Variants in ALDH3A1 observed in about 807,000 individuals in gnomAD.
The protein encoded by ALDH3A1 is aldehyde dehydrogenase, dimeric NADP-preferring.
A neutral mutation model predicts 49.9 loss-of-function variants in ALDH3A1; 46 were observed. That is an observed-to-expected ratio of 0.92 (90% CI 0.73 to 1.18). ALDH3A1 has a LOEUF of 1.18. ALDH3A1 is among the 50% of genes most tolerant of loss of function. The pLI, the probability that ALDH3A1 is intolerant of heterozygous loss-of-function variation, is 0.00. For synonymous variants in ALDH3A1, 269 were observed against 253.3 expected, an observed-to-expected ratio of 1.06 and a Z score of -0.59; for missense variants, 592 against 611.8, an observed-to-expected ratio of 0.97 and a Z score of 0.34.
intron 3 of ALDH3A1, 81 bp from the exon 4 acceptor site, chr17:19,742,711 T>TC (rs772081401): frequency 3.7e-6 from 6 of 1,603,694 alleles, no homozygotes; most frequent in Non-Finnish European, 5.1e-6. Context: ...ACCTGAAGCC[T>TC]CCCCTCCATT....
rs2086471105 is a variant in ALDH3A1 at position 19,740,453 on chromosome 17, T to C, written c.832A>G (p.Lys278Glu). The change falls in exon 7 of 11, where the codon AAA becomes GAA. Residue 278 changes from lysine (K) to glutamate (E), a missense_variant. Coordinates refer to ENST00000225740, the MANE Select transcript of ALDH3A1 (RefSeq NM_000691.5). The part of the protein sequence containing the change: ...LKEFYGEDAK[K>E]SRDYGRIISA... ...ATGATTCTTCCATAGTCCCGGGATT[T>C]CTTAGCATCTTCCCCGTAGAACTCC... The C allele has an allele frequency of 6.2e-7, 1 of 1,613,968 alleles. No individual in the cohort carries two copies. Among genetic ancestry groups the C allele is most frequent in the Non-Finnish European group, 8.5e-7 (1 of 1,180,030 alleles).
chr17:19,746,249 A>G (rs1324278825), intron 1 of ALDH3A1, among the ~76,000 whole-genome samples: 1 of 152,098 alleles, frequency 6.6e-6, no homozygotes, highest in African/African-American at 2.4e-5. Context: ...ATTATCTGGG[A>G]GTGGTGGCAG....
At chr17:19,742,504 TA>T in intron 4 of ALDH3A1, 40 bp downstream of exon 4, 1 of 1,593,610 alleles carries the variant, frequency 6.3e-7, no homozygotes, top group Admixed American at 1.7e-5. Flanking sequence ...CTAGCTCAGT[TA>T]TGAGGCCATG....
At position 19,745,041 on chromosome 17, in the gene ALDH3A1, A is replaced by G. The variant is rs1264148006; in HGVS notation, c.89T>C (p.Leu30Pro). The change falls in exon 2 of 11, where the codon CTG becomes CCG. Residue 30 changes from leucine to proline, a missense_variant. Leu to Pro is a moderately conservative substitution (Grantham distance 98). Transcript: ENST00000225740. ...TRPLQFRIQQ[L>P]EALQRLIQEQ... ...CTGGATCAGGCGCTGCAGCGCCTCC[A>G]GCTGCTGGATCCGGAACTGCAGCGG... 6.3e-7 allele frequency: 1 copy of G among 1,597,046 alleles called. No individual in the cohort carries two copies. The highest frequency in any genetic ancestry group is 8.5e-7 in the Non-Finnish European group (1 of 1,178,876).
At chr17:19,738,529 G>T in intron 9 of ALDH3A1, 76 bp from the exon 10 acceptor site, 5 of 1,568,422 alleles carry the variant, frequency 3.2e-6, no homozygotes, top group Non-Finnish European at 1.7e-6. Flanking sequence ...CACCTTGTTG[G>T]GTGTATCCCA....
chr17:19,741,169 C>A lies in ALDH3A1; in HGVS notation c.731G>T (p.Cys244Phe). 1 of 1,614,090 alleles carries A rather than the reference C, an allele frequency of 6.2e-7. No individual in the cohort carries two copies. Among genetic ancestry groups the A allele is most frequent in the African/African-American group, 1.3e-5 (1 of 75,042 alleles). The change falls in exon 6 of 11, where the codon TGC (cysteine) becomes TTC (phenylalanine). Residue 244 changes from cysteine (C) to phenylalanine (F), a missense_variant. Coordinates refer to ENST00000225740, the MANE Select transcript of ALDH3A1 (RefSeq NM_000691.5). ...ACAGAGGATGTAGTCAGGGGCCACG[C>A]AGGTCTGGCCACTGTTCATGAATTT... ...WGKFMNSGQTCVAPDYILCDP... is the reference protein window; with the variant it reads ...WGKFMNSGQTFVAPDYILCDP...
At chr17:19,744,151 A>T (rs2086555293) in intron 2 of ALDH3A1, 2 of 982,528 alleles carry the variant, frequency 2.0e-6, no homozygotes, top group Non-Finnish European at 2.4e-6. Flanking sequence ...TAATCCCAGC[A>T]CTCTGAGAGG....
At chr17:19,742,824 G>A (rs752676127) in intron 3 of ALDH3A1, 194 bp from the exon 4 acceptor site, 19 of 1,533,784 alleles carry the variant, frequency 1.2e-5, no homozygotes, top group African/African-American at 1.4e-5. Context: ...GGACACACAC[G>A]GGCACACGCT....
chr17:19,739,569 A>G lies in ALDH3A1; in HGVS notation c.1055T>C (p.Ile352Thr). 1 of 1,613,662 alleles carries G rather than the reference A, an allele frequency of 6.2e-7. No homozygotes were observed. Among genetic ancestry groups the G allele is most frequent in the Non-Finnish European group, 8.5e-7 (1 of 1,179,918 alleles). ...CTTCTCACGCTGGTTGATGAACTGG[A>G]TGGCCTCCTCCAGGCTGCGCACGCA... ...IVCVRSLEEA[I>T]QFINQREKPL... Residue 352 changes from isoleucine (I) to threonine (T), a missense_variant, in exon 8 of 11, where the codon ATC (isoleucine) becomes ACC (threonine). Ile to Thr is a moderately conservative substitution (Grantham distance 89, BLOSUM62 -1). Transcript: ENST00000225740.
chr17:19,739,064 C>T lies in ALDH3A1; in HGVS notation c.1148G>A (p.Ser383Asn), dbSNP rs1304402050. 1.9e-6 allele frequency: 3 copies of T among 1,613,870 alleles called. No homozygotes were observed. The highest frequency in any genetic ancestry group is 1.6e-4 in the Middle Eastern group (1 of 6,062). Residue 383 changes from serine (S) to asparagine (N), a missense_variant, in exon 9 of 11, where the codon AGT becomes AAT. By Grantham distance (46) the Ser-to-Asn change is conservative. Coordinates refer to ENST00000225740, the MANE Select transcript of ALDH3A1 (RefSeq NM_000691.5). ...GACATCGTTGGCCGCCACCCCACCA[C>T]TGGATGTCTCTGCAATCATCTTCTT... ...VIKKMIAETS[S>N]GGVAANDVIV... is the part of the protein sequence containing the mutation.
At position 19,738,415 on chromosome 17, in the gene ALDH3A1, A is replaced by T. The variant is rs1422966293; in HGVS notation, c.1255T>A (p.Phe419Ile). The T allele has an allele frequency of 3.1e-6, 5 of 1,613,572 alleles. No individual in the cohort carries two copies. The highest frequency in any genetic ancestry group is 4.2e-6 in the Non-Finnish European group (5 of 1,179,772). Reference protein sequence around the residue: ...GMGSYHGKKSFETFSHRRSCL... With the variant: ...GMGSYHGKKSIETFSHRRSCL... Reference sequence around the variant, plus strand: ...GAGCGGCGGTGAGAGAAAGTCTCGAAGCTCTTCTTGCCATGGTAGGATCCC... The same window carrying T: ...GAGCGGCGGTGAGAGAAAGTCTCGATGCTCTTCTTGCCATGGTAGGATCCC... The change falls in exon 10 of 11, where the codon TTC becomes ATC. Residue 419 changes from phenylalanine (F) to isoleucine (I), a missense_variant. Phe to Ile is a conservative substitution (Grantham distance 21, BLOSUM62 0). Coordinates refer to ENST00000225740, the MANE Select transcript of ALDH3A1 (RefSeq NM_000691.5).
At chr17:19,742,476 C>T (rs919167715) in intron 4 of ALDH3A1, 69 bp downstream of exon 4, 45 of 1,514,516 alleles carry the variant, frequency 3.0e-5, no homozygotes, top group Non-Finnish European at 3.8e-5. Flanking sequence ...CTATTTCTCA[C>T]CCCCCAAAGA....
At position 19,743,376 on chromosome 17, in the gene ALDH3A1, C is replaced by T; in HGVS notation, c.250G>A (p.Asp84Asn). The T allele has an allele frequency of 5.0e-6, 8 of 1,614,170 alleles. No individual in the cohort carries two copies. The highest frequency in any genetic ancestry group is 6.8e-6 in the Non-Finnish European group (8 of 1,180,042). Residue 84 changes from aspartate (D) to asparagine (N), a missense_variant, in exon 3 of 11, where the codon GAT becomes AAT. Asp to Asn is a conservative substitution (Grantham distance 23). Transcript: ENST00000225740. The surrounding 1 kb of genome is among the most constrained non-coding windows in gnomAD (Gnocchi z 4.4). ...MIQKLPEWAA[D>N]EPVEKTPQTQ... The stretch of plus-strand genomic sequence containing the variant: ...TGGGGCGTCTTCTCCACGGGCTCAT[C>T]CGCGGCCCACTCAGGGAGCTTCTGG...
intron 2 of ALDH3A1, 92 bp downstream of exon 2, chr17:19,744,876 A>G: frequency 7.2e-7 from 1 of 1,393,896 alleles, no homozygotes; most frequent in East Asian, 3.1e-5. Context: ...TCCTTCCTGA[A>G]CCTCTCTGGG....
intron 5 of ALDH3A1, among the ~76,000 whole-genome samples, chr17:19,741,608 G>A (rs972801533): frequency 1.3e-5 from 2 of 152,108 alleles, no homozygotes; most frequent in Admixed American, 6.5e-5. Context: ...CCCGAGCAGC[G>A]GTGGCCCTTC....
chr17:19,741,929 C>T, intron 5 of ALDH3A1, 75 bp downstream of exon 5: 3 of 1,445,196 alleles, frequency 2.1e-6, no homozygotes, highest in South Asian at 1.2e-5. Context: ...AGTGGACCCA[C>T]AGCATGAGGT....
intron 8 of ALDH3A1, 56 bp from the exon 9 acceptor site, chr17:19,739,151 C>T: frequency 6.7e-7 from 1 of 1,484,394 alleles, no homozygotes; most frequent in East Asian, 2.4e-5. Flanking sequence ...TGCCCCAGCC[C>T]CCAACCCGAC....
At chr17:19,747,810 A>T (rs2086619444) in intron 1 of ALDH3A1, 1 of 154,780 alleles carries the variant, frequency 6.5e-6, no homozygotes, top group African/African-American at 2.4e-5. Context: ...AAAGCTCTGT[A>T]GTGATGCCCA....
chr17:19,738,891 A>G, intron 9 of ALDH3A1, 105 bp downstream of exon 9: 5 of 965,960 alleles, frequency 5.2e-6, no homozygotes, highest in Non-Finnish European at 7.8e-6. Context: ...GGCTAATGGG[A>G]GGCTGCCGCC....
Sources: allele counts gnomAD v4.1 joint callset (sites outside exome capture counted in the v4.1 genomes callset), GRCh38; gene constraint gnomAD v4.1.1; non-coding constraint Gnocchi (gnomAD v3.1); transcripts MANE v1.5; gene names NCBI Gene and HGNC (gene_info 2026-07-23, HGNC 2026-07-21).